The following GPC5 variants were observed in gnomAD, a reference collection of about 807,000 sequenced individuals.
The protein encoded by GPC5 is glypican 5.
In GPC5, 47 loss-of-function variants were observed where a neutral mutation model predicts 53.9. The ratio of observed to expected loss-of-function variants is 0.87; its 90% CI spans 0.69 to 1.11. The LOEUF (loss-of-function observed/expected upper bound fraction) is 1.11. GPC5 is among the 50% of genes most tolerant of loss of function. The pLI is 0.00. For missense variants in GPC5, 748 were observed against 713.1 expected (o/e 1.05, Z -0.56); for synonymous variants, 286 against 263.3 (o/e 1.09, Z -0.84).
intron 6 of GPC5, among the ~76,000 whole-genome samples, chr13:92,066,788 A>G (rs1183138126): frequency 6.6e-6 from 1 of 152,098 alleles, no homozygotes; most frequent in Non-Finnish European, 1.5e-5. Flanking sequence ...AGGGCTGAAT[A>G]CCAGCCTTAT....
At chr13:92,184,140 G>T (rs1392504723) in intron 7 of GPC5, among the ~76,000 whole-genome samples, 1 of 151,702 alleles carries the variant, frequency 6.6e-6, no homozygotes, top group African/African-American at 2.4e-5. Context: ...TTCATCTTTG[G>T]TTTGGCTTTT....
intron 3 of GPC5, among the ~76,000 whole-genome samples, chr13:91,715,037 A>G (rs758248707): frequency 6.6e-6 from 1 of 152,202 alleles, no homozygotes; most frequent in Non-Finnish European, 1.5e-5. Context: ...TTCTAATTAC[A>G]TGCAGATTAA....
At chr13:91,914,309 C>A (rs1566338963) in intron 6 of GPC5, among the ~76,000 whole-genome samples, 1 of 152,016 alleles carries the variant, frequency 6.6e-6, no homozygotes, top group African/African-American at 2.4e-5. Context: ...TATTTTATTG[C>A]AAAGCCAATA....
intron 2 of GPC5, among the ~76,000 whole-genome samples, chr13:91,663,298 G>A (rs890971544): frequency 2.0e-5 from 3 of 152,124 alleles, no homozygotes; most frequent in Non-Finnish European, 4.4e-5. Flanking sequence ...AGGTTTTCAG[G>A]TCAAGCATTA....
At chr13:91,774,959 C>T (rs2037686563) in intron 5 of GPC5, among the ~76,000 whole-genome samples, 1 of 152,154 alleles carries the variant, frequency 6.6e-6, no homozygotes, top group Non-Finnish European at 1.5e-5. Flanking sequence ...CCTAATTTAA[C>T]AATGTGATTT....
intron 7 of GPC5, among the ~76,000 whole-genome samples, chr13:92,365,795 A>G (rs1278287395): frequency 1.3e-5 from 2 of 151,336 alleles, no homozygotes; most frequent in African/African-American, 2.5e-5. Context: ...TGGGGTCTTC[A>G]GGGGCAATTG....
rs984832788 is a variant in GPC5 at position 92,798,924 on chromosome 13, C to T, written c.1562-67358C>T. Among the ~76,000 whole-genome samples, 11 of 151,872 alleles carry T rather than the reference C, an allele frequency of 7.2e-5. No individual in the cohort carries two copies. In the East Asian group the frequency reaches 1.7e-3, roughly 24 times the overall value. The stretch of plus-strand genomic sequence containing the variant: ...TCTAAGTAACACCAGTATTACAATA[C>T]GTAATATCTTAGATTCCTCATATTT... On this transcript the variant is annotated intron_variant, in intron 7 of 7. Transcript: ENST00000377067.
chr13:92,485,033 G>C (rs1566611253), intron 7 of GPC5, among the ~76,000 whole-genome samples: 1 of 152,076 alleles, frequency 6.6e-6, no homozygotes, highest in Non-Finnish European at 1.5e-5. Context: ...ACTGCCCCTG[G>C]CCTTGAATAG....
chr13:92,855,808 G>A (rs1878978371), intron 7 of GPC5, among the ~76,000 whole-genome samples: 1 of 151,912 alleles, frequency 6.6e-6, no homozygotes, highest in Admixed American at 6.6e-5. Context: ...CAGGAAGAAA[G>A]TGAAATCCTG....
chr13:92,842,906 T>C (rs539474614), intron 7 of GPC5, among the ~76,000 whole-genome samples: 1 of 152,258 alleles, frequency 6.6e-6, no homozygotes, highest in Admixed American at 6.5e-5. Flanking sequence ...TTTTACCATT[T>C]AGATGGTCAC....
intron 4 of GPC5, among the ~76,000 whole-genome samples, chr13:91,746,333 T>C (rs563571289): frequency 9.9e-5 from 15 of 152,188 alleles, no homozygotes; most frequent in African/African-American, 2.9e-4. Flanking sequence ...GGACTGACTT[T>C]AGGGGTAAAA....
intron 6 of GPC5, among the ~76,000 whole-genome samples, chr13:92,067,685 A>G (rs1312298990): frequency 6.6e-6 from 1 of 152,030 alleles, no homozygotes; most frequent in Non-Finnish European, 1.5e-5. Flanking sequence ...AAATTCAGAA[A>G]TGAAAGCAAT....
intron 7 of GPC5, among the ~76,000 whole-genome samples, chr13:92,787,874 C>T (rs1289303616): frequency 5.3e-5 from 6 of 113,692 alleles, no homozygotes; most frequent in African/African-American, 1.9e-4. Context: ...AAGACCCTGT[C>T]TCAAAAAAAA....
At chr13:92,214,183 G>T (rs1256611889) in intron 7 of GPC5, among the ~76,000 whole-genome samples, 1 of 152,112 alleles carries the variant, frequency 6.6e-6, no homozygotes, top group African/African-American at 2.4e-5. Context: ...ATCAAGGACT[G>T]CTCAAGTATA....
chr13:92,513,690 T>G (rs1158404800), intron 7 of GPC5, among the ~76,000 whole-genome samples: 2 of 152,064 alleles, frequency 1.3e-5, no homozygotes, highest in Non-Finnish European at 2.9e-5. Context: ...ACTTCAGGTT[T>G]TTGGGGGGTT....
At chr13:92,170,888 G>T (rs1442568151) in intron 7 of GPC5, among the ~76,000 whole-genome samples, 1 of 152,094 alleles carries the variant, frequency 6.6e-6, no homozygotes, top group Non-Finnish European at 1.5e-5. Context: ...GAGAAAAAAT[G>T]GAATACACAT....
intron 7 of GPC5, among the ~76,000 whole-genome samples, chr13:92,354,804 A>C (rs923763610): frequency 6.6e-6 from 1 of 152,160 alleles, no homozygotes. Context: ...ACTCATGCAG[A>C]GGTCCTAGCC....
intron 7 of GPC5, among the ~76,000 whole-genome samples, chr13:92,683,040 T>C (rs539906046): frequency 1.3e-5 from 2 of 152,264 alleles, no homozygotes; most frequent in East Asian, 3.9e-4. Flanking sequence ...AGGTAAGATC[T>C]GGCCCTGGGA....
intron 2 of GPC5, among the ~76,000 whole-genome samples, chr13:91,451,867 C>T (rs530161326): frequency 3.9e-5 from 6 of 152,172 alleles, no homozygotes; most frequent in African/African-American, 9.6e-5. Flanking sequence ...CTACCCACCT[C>T]GCCCTCCCAA....
Sources: allele counts gnomAD v4.1 joint callset (sites outside exome capture counted in the v4.1 genomes callset), GRCh38; gene constraint gnomAD v4.1.1; transcripts MANE v1.5; gene names NCBI Gene and HGNC (gene_info 2026-07-23, HGNC 2026-07-21).